SYNPR: variants seen among roughly 807,000 people sequenced by gnomAD.
SYNPR encodes synaptoporin.
SYNPR carries 23 observed loss-of-function variants against 32.9 expected under a neutral mutation model. The ratio of observed to expected loss-of-function variants is 0.70; its 90% CI spans 0.50 to 0.99. The LOEUF (loss-of-function observed/expected upper bound fraction) is 0.99, where lower values mean the gene tolerates loss of function less well. Ranked by LOEUF, SYNPR falls within the 50% of genes least tolerant of loss-of-function variation. The pLI, the probability that SYNPR is intolerant of heterozygous loss-of-function variation, is 0.00. For missense variants in SYNPR, 318 were observed against 349.3 expected, an observed-to-expected ratio of 0.91 and a Z score of 0.71; for synonymous variants, 146 against 135.9, an observed-to-expected ratio of 1.07 and a Z score of -0.52.
At chr3:63,352,332 G>A (rs2107020012) in intron 2 of SYNPR, among the ~76,000 whole-genome samples, 1 of 152,222 alleles carries the variant, frequency 6.6e-6, no homozygotes, top group East Asian at 1.9e-4. Context: ...CTCCTGAGGA[G>A]CTTTTCAAAC....
intron 2 of SYNPR, among the ~76,000 whole-genome samples, chr3:63,476,770 A>G (rs1700936006): frequency 6.6e-6 from 1 of 152,162 alleles, no homozygotes; most frequent in African/African-American, 2.4e-5. Context: ...CCTCCTGTCC[A>G]GAATAACTCC....
intron 2 of SYNPR, among the ~76,000 whole-genome samples, chr3:63,396,438 G>A (rs1880091): frequency 0.29 from 43,904 of 151,992 alleles, 7,445 homozygotes; most frequent in East Asian, 0.7. Flanking sequence ...GTTTTCAGTC[G>A]CTCCTTCCCA....
intron 2 of SYNPR, among the ~76,000 whole-genome samples, chr3:63,320,937 C>T (rs993633574): frequency 1.3e-5 from 2 of 152,154 alleles, no homozygotes; most frequent in African/African-American, 2.4e-5. Context: ...CTTTCCTCTG[C>T]CTTTGATTAT....
At chr3:63,563,887 T>C (rs1420462667) in intron 4 of SYNPR, among the ~76,000 whole-genome samples, 1 of 142,292 alleles carries the variant, frequency 7.0e-6, no homozygotes, top group Non-Finnish European at 1.5e-5. Context: ...TAAAGTATAA[T>C]AAAAAAATAA....
chr3:63,476,072 G>C (rs1700896598), intron 2 of SYNPR, among the ~76,000 whole-genome samples: 1 of 144,008 alleles, frequency 6.9e-6, no homozygotes, highest in Admixed American at 7.0e-5. Context: ...AGGAAGGAAG[G>C]AAGAATAGAG....
intron 4 of SYNPR, among the ~76,000 whole-genome samples, chr3:63,568,877 G>A (rs551985596): frequency 4.6e-5 from 7 of 152,174 alleles, no homozygotes; most frequent in South Asian, 4.2e-4. Context: ...TCTGATACTC[G>A]CCAAATAATC....
chr3:63,252,488 T>C (rs563483078), intron 1 of SYNPR: 1 of 152,332 alleles, frequency 6.6e-6, no homozygotes, highest in East Asian at 1.9e-4. Context: ...AATTTCGTTT[T>C]CTTTTTTCAG....
At chr3:63,417,638 C>A (rs968561045) in intron 2 of SYNPR, among the ~76,000 whole-genome samples, 1 of 152,226 alleles carries the variant, frequency 6.6e-6, no homozygotes, top group African/African-American at 2.4e-5. Flanking sequence ...TCCATACATC[C>A]TCTGAAATCT....
At chr3:63,580,312 C>T (rs980008122) in intron 4 of SYNPR, among the ~76,000 whole-genome samples, 2 of 152,112 alleles carry the variant, frequency 1.3e-5, no homozygotes, top group African/African-American at 4.8e-5. Flanking sequence ...GAATTAAGTG[C>T]CCTGGGGCAA....
intron 2 of SYNPR, among the ~76,000 whole-genome samples, chr3:63,427,086 C>G (rs918600720): frequency 6.6e-6 from 1 of 151,518 alleles, no homozygotes; most frequent in Admixed American, 6.6e-5. Flanking sequence ...GGAAGACCAA[C>G]CGGTCTCAAG....
rs921610430 is a variant in SYNPR, at chr3:63,316,368, C to CT, written c.84+37634dup. On this transcript the variant is annotated intron_variant, in intron 2 of 5. Coordinates refer to ENST00000478300, the MANE Select transcript of SYNPR (RefSeq NM_001130003.2). ...TGCTGTGAATCCATCTGGTCCTGGA[C>CT]TTTTTTTTGTTTGTAATTTTTAAAT... is the stretch of plus-strand genomic sequence containing the variant. Among the ~76,000 whole-genome samples, 259 of 151,638 alleles carry CT rather than the reference C, an allele frequency of 1.7e-3. 4 individuals carry two copies. The highest frequency in any genetic ancestry group is 5.8e-3 in the African/African-American group (240 of 41,374).
At chr3:63,421,488 A>C (rs1241471599) in intron 2 of SYNPR, among the ~76,000 whole-genome samples, 1 of 151,476 alleles carries the variant, frequency 6.6e-6, no homozygotes, top group Non-Finnish European at 1.5e-5. Flanking sequence ...AATTCAGACT[A>C]AATATATATA....
At chr3:63,273,374 A>G (rs189943193), upstream of SYNPR, among the ~76,000 whole-genome samples, 1 of 152,322 alleles carries the variant, frequency 6.6e-6, no homozygotes, top group East Asian at 1.9e-4. Context: ...TGGAAGTAAC[A>G]GTAGTATATA....
chr3:63,409,941 C>A (rs1402353885), intron 2 of SYNPR, among the ~76,000 whole-genome samples: 3 of 152,128 alleles, frequency 2.0e-5, no homozygotes, highest in Non-Finnish European at 4.4e-5. Flanking sequence ...TCCCTGTGCC[C>A]CAACAGCGTT....
chr3:63,563,611 T>C (rs1702732580), intron 4 of SYNPR, among the ~76,000 whole-genome samples: 1 of 152,168 alleles, frequency 6.6e-6, no homozygotes, highest in South Asian at 2.1e-4. Flanking sequence ...TCCTCTCTCC[T>C]GTTTATGTCA....
chr3:63,255,712 A>G (rs1336585521), intron 2 of SYNPR, among the ~76,000 whole-genome samples: 1 of 152,170 alleles, frequency 6.6e-6, no homozygotes, highest in Non-Finnish European at 1.5e-5. Context: ...CAACTGAGGT[A>G]CCAGGTTCAT....
chr3:63,405,967 A>C (rs991013498), intron 2 of SYNPR, among the ~76,000 whole-genome samples: 1 of 152,132 alleles, frequency 6.6e-6, no homozygotes, highest in East Asian at 1.9e-4. Context: ...AATCTTCACA[A>C]CACCACCTGG....
At chr3:63,535,178 G>C (rs1327081950) in intron 3 of SYNPR, among the ~76,000 whole-genome samples, 1 of 152,042 alleles carries the variant, frequency 6.6e-6, no homozygotes, top group Non-Finnish European at 1.5e-5. Context: ...TACAATTACA[G>C]ATGTGGTTAA....
intron 2 of SYNPR, among the ~76,000 whole-genome samples, chr3:63,253,201 A>G (rs1289101243): frequency 6.6e-6 from 1 of 152,136 alleles, no homozygotes; most frequent in Admixed American, 6.5e-5. Flanking sequence ...GTGGATTTAA[A>G]TTTTAATAGC....
Sources: allele counts gnomAD v4.1 joint callset (sites outside exome capture counted in the v4.1 genomes callset), GRCh38; gene constraint gnomAD v4.1.1; transcripts MANE v1.5; gene names NCBI Gene and HGNC (gene_info 2026-07-23, HGNC 2026-07-21).